Variants in FIRRM observed in about 807,000 individuals in gnomAD.
FIRRM encodes FIGNL1-interacting regulator of recombination and mitosis.
At chr1:169,807,692 G>T in the FIRRM span, 1 of 1,105,654 alleles carries the variant, frequency 9.0e-7, no homozygotes, top group Non-Finnish European at 1.2e-6. Context: ...CTTTTTGATT[G>T]TTTTTTTAAA....
the FIRRM span, chr1:169,853,804 C>A: frequency 6.2e-6 from 10 of 1,600,682 alleles, no homozygotes; most frequent in Admixed American, 5.4e-5. Flanking sequence ...CAAGAACCCA[C>A]TGAAACAAAT....
chr1:169,851,678 T>C, the FIRRM span: 110 of 905,038 alleles, frequency 1.2e-4, 2 homozygotes, highest in South Asian at 1.8e-3. Flanking sequence ...ATACTAAGAG[T>C]ATTTATAGAT....
At chr1:169,841,930 C>T in the FIRRM span, among the ~76,000 whole-genome samples, 2 of 152,036 alleles carry the variant, frequency 1.3e-5, no homozygotes. Context: ...GTAATCCTAG[C>T]ACTTTGGGAG....
chr1:169,811,981 A>T, the FIRRM span, among the ~76,000 whole-genome samples: 1 of 152,184 alleles, frequency 6.6e-6, no homozygotes, highest in African/African-American at 2.4e-5. Context: ...AGCATTGAAA[A>T]ATGGTCTTCC....
chr1:169,851,534 G>C, the FIRRM span: 1 of 380,090 alleles, frequency 2.6e-6, no homozygotes, highest in Non-Finnish European at 4.8e-6. Context: ...TTAAGTACAT[G>C]TGTATACACT....
At chr1:169,829,180 C>T in the FIRRM span, 172 of 1,234,726 alleles carry the variant, frequency 1.4e-4, no homozygotes, top group Non-Finnish European at 1.7e-4. Flanking sequence ...CTTAAACAAC[C>T]TTCCATGTTA....
chr1:169,851,421 T>C, the FIRRM span: 124 of 162,880 alleles, frequency 7.6e-4, no homozygotes, highest in Non-Finnish European at 1.4e-3. Flanking sequence ...TAGCTCGCTA[T>C]AACCTCAAAC....
chr1:169,802,866 T>C, the FIRRM span: 1 of 615,642 alleles, frequency 1.6e-6, no homozygotes, highest in Non-Finnish European at 2.9e-6. Context: ...GACGTGAATA[T>C]AGAAACATGA....
chr1:169,821,542 C>T, the FIRRM span: 16 of 500,114 alleles, frequency 3.2e-5, no homozygotes, highest in East Asian at 1.0e-4. Context: ...TATATTTTCT[C>T]GGAAAAATTT....
At chr1:169,811,469 C>T in the FIRRM span, among the ~76,000 whole-genome samples, 1 of 151,924 alleles carries the variant, frequency 6.6e-6, no homozygotes, top group Admixed American at 6.6e-5. Context: ...GACTGAGCAA[C>T]ACAGGGAGAC....
chr1:169,794,874 C>A, the FIRRM span: 1 of 540,012 alleles, frequency 1.9e-6, no homozygotes, highest in Non-Finnish European at 3.3e-6. Flanking sequence ...GCTCACCTCA[C>A]AACGCCTCCT....
the FIRRM span, among the ~76,000 whole-genome samples, chr1:169,789,051 G>T: frequency 6.8e-4 from 103 of 152,296 alleles, no homozygotes; most frequent in Non-Finnish European, 1.3e-3. Flanking sequence ...CTGCAGTAGA[G>T]GAGTCTTACA....
chr1:169,836,265 C>G, the FIRRM span, among the ~76,000 whole-genome samples: 4 of 152,126 alleles, frequency 2.6e-5, no homozygotes, highest in Non-Finnish European at 5.9e-5. Context: ...TAAACTGTTT[C>G]TTAGAACTTT....
chr1:169,853,311 T>A, the FIRRM span: 10 of 338,676 alleles, frequency 3.0e-5, no homozygotes, highest in African/African-American at 1.5e-4. Flanking sequence ...TAAAATTTTT[T>A]AAAGTTGTAT....
chr1:169,843,620 TA>T, the FIRRM span: 1 of 1,019,178 alleles, frequency 9.8e-7, no homozygotes, highest in Non-Finnish European at 1.6e-6. Context: ...AGCTTGCTAT[TA>T]TTATTCTTAT....
At chr1:169,848,523 T>G in the FIRRM span, among the ~76,000 whole-genome samples, 3 of 152,218 alleles carry the variant, frequency 2.0e-5, no homozygotes, top group Non-Finnish European at 4.4e-5. Context: ...ACATGTAGAT[T>G]AAACTCTTTG....
the FIRRM span, chr1:169,802,596 T>G: frequency 6.8e-7 from 1 of 1,466,852 alleles, no homozygotes; most frequent in Non-Finnish European, 9.5e-7. Context: ...CTTATTCCTG[T>G]TTATTACTTG....
the FIRRM span, chr1:169,852,587 G>A: frequency 1.7e-6 from 1 of 585,308 alleles, no homozygotes; most frequent in Non-Finnish European, 3.0e-6. Context: ...GACACTGGTA[G>A]TAGCACTCTG....
At chr1:169,796,773 C>G in the FIRRM span, among the ~76,000 whole-genome samples, 1 of 152,314 alleles carries the variant, frequency 6.6e-6, no homozygotes, top group South Asian at 2.1e-4. Context: ...TCTCTCATAC[C>G]TAGTTAATTA....
Sources: allele counts gnomAD v4.1 joint callset (sites outside exome capture counted in the v4.1 genomes callset), GRCh38; gene constraint gnomAD v4.1.1; transcripts MANE v1.5; gene names NCBI Gene and HGNC (gene_info 2026-07-23, HGNC 2026-07-21).